Variants in ARHGAP26 observed in about 807,000 individuals in gnomAD.
ARHGAP26 encodes Rho GTPase activating protein 26.
In ARHGAP26, 38 loss-of-function variants were observed where a neutral mutation model predicts 104.8. The observed-to-expected ratio is 0.36, with a 90% confidence interval of 0.28 to 0.48. The LOEUF is 0.48. ARHGAP26 is among the 20% of genes least tolerant of loss of function. The pLI, the probability that ARHGAP26 is intolerant of heterozygous loss-of-function variation, is 0.99. For synonymous variants in ARHGAP26, 341 were observed against 340.0 expected (o/e 1.00, Z -0.03); for missense variants, 704 against 947.9 (o/e 0.74, Z 3.38).
intron 22 of ARHGAP26, 75 bp from the exon 23 acceptor site, chr5:143,222,283 A>ACC (rs1811307397): frequency 9.3e-6 from 8 of 861,572 alleles, no homozygotes; most frequent in Middle Eastern, 2.8e-4. Flanking sequence ...ACACACACAC[A>ACC]CCCCACACAC....
At chr5:143,123,621 G>T (rs150405728) in intron 18 of ARHGAP26, among the ~76,000 whole-genome samples, 1 of 152,216 alleles carries the variant, frequency 6.6e-6, no homozygotes, top group Admixed American at 6.5e-5. Flanking sequence ...GGAGGCTAAG[G>T]TGGGAGGATC....
At chr5:142,978,271 C>T (rs543146154) in intron 11 of ARHGAP26, among the ~76,000 whole-genome samples, 3 of 152,244 alleles carry the variant, frequency 2.0e-5, no homozygotes, top group African/African-American at 7.2e-5. Flanking sequence ...GCAGTGTTGG[C>T]CTAAATTCAT....
At chr5:143,047,130 TTCTTGGA>T (rs1784350622) in intron 14 of ARHGAP26, among the ~76,000 whole-genome samples, 1 of 152,204 alleles carries the variant, frequency 6.6e-6, no homozygotes, top group African/African-American at 2.4e-5. Context: ...CAGTCCCCTG[TTCTTGGA>T]TACATGGGCT....
chr5:142,915,726 A>G (rs1392004335), intron 10 of ARHGAP26: 1 of 152,158 alleles, frequency 6.6e-6, no homozygotes, highest in Non-Finnish European at 1.5e-5. Context: ...TCAGTTTTCT[A>G]TATAGATCCC....
At chr5:143,037,631 A>G (rs1179177796) in intron 13 of ARHGAP26, among the ~76,000 whole-genome samples, 1 of 152,238 alleles carries the variant, frequency 6.6e-6, no homozygotes, top group East Asian at 1.9e-4. Context: ...GGGAGCAGTG[A>G]TATTTCAAGA....
chr5:142,796,362 T>C (rs533728593), intron 1 of ARHGAP26, among the ~76,000 whole-genome samples: 1 of 152,370 alleles, frequency 6.6e-6, no homozygotes, highest in East Asian at 1.9e-4. Flanking sequence ...ACCGTAGTTC[T>C]CTTATCTTTA....
rs1183521854 is a variant in ARHGAP26 at position 143,224,271 on chromosome 5, G to A, written c.*1825G>A. ...GAGAGGGGAGGCAAAGCTGAAGAGA[G>A]TCAAGGTCACTGTCCCCGCTTCGGC... On this transcript the variant is annotated 3_prime_UTR_variant, in exon 23 of 23. Transcript: ENST00000645722. 1 of 232,090 alleles carries A rather than the reference G, an allele frequency of 4.3e-6. No homozygotes were observed. The highest frequency in any genetic ancestry group is 8.5e-6 in the Non-Finnish European group (1 of 117,124). 14.4% of individuals were successfully genotyped at this position (232,090 alleles called of 1,614,324 possible).
chr5:142,852,520 G>A (rs1751690891), intron 1 of ARHGAP26, among the ~76,000 whole-genome samples: 1 of 152,214 alleles, frequency 6.6e-6, no homozygotes, highest in African/African-American at 2.4e-5. Context: ...TTCCCTAAAT[G>A]ACTAATTATA....
rs7728815 is a variant in ARHGAP26 at position 143,048,996 on chromosome 5, G to A, written c.1286-5443G>A. Among the ~76,000 whole-genome samples, 803 of 151,368 alleles carry A rather than the reference G, an allele frequency of 5.3e-3. 3 individuals are homozygous for A. The highest frequency in any genetic ancestry group is 8.4e-3 in the Non-Finnish European group (570 of 67,930). On this transcript the variant is annotated intron_variant, in intron 14 of 22. Transcript: ENST00000645722. ...TTCCTTAAAATCTGTCATGCAAAGTGGAAACTCTTCTTTTTCCTCTAATAC... is the reference window on the plus strand; with the variant it reads ...TTCCTTAAAATCTGTCATGCAAAGTAGAAACTCTTCTTTTTCCTCTAATAC...
At position 142,960,357 on chromosome 5, in the gene ARHGAP26, A is replaced by T. The variant is rs540433269; in HGVS notation, c.1107+28232A>T. The stretch of plus-strand genomic sequence containing the variant: ...TTCACTTTCCATAGTTACCTATTAA[A>T]TTAGCTGCAGTTCACTGCAGTCCCA... On this transcript the variant is annotated intron_variant, in intron 11 of 22. Transcript: ENST00000645722. 1.4e-4 allele frequency among the ~76,000 whole-genome samples: 21 copies of T among 152,384 alleles called. 1 individual carries two copies. In the South Asian group the frequency reaches 4.3e-3, roughly 32 times the overall value.
At chr5:142,808,834 G>T (rs1763535520) in intron 1 of ARHGAP26, among the ~76,000 whole-genome samples, 1 of 152,116 alleles carries the variant, frequency 6.6e-6, no homozygotes. Flanking sequence ...AGCCGCTCTG[G>T]AAGTTTTTGC....
intron 12 of ARHGAP26, among the ~76,000 whole-genome samples, chr5:143,035,935 C>CA (rs10713064): frequency 0.07 from 5,418 of 77,780 alleles, 159 homozygotes; most frequent in African/African-American, 0.084. Flanking sequence ...GACCTTGTCT[C>CA]AAAAAAAAAA....
At chr5:142,837,459 A>G (rs924804009) in intron 1 of ARHGAP26, among the ~76,000 whole-genome samples, 4 of 152,058 alleles carry the variant, frequency 2.6e-5, no homozygotes, top group African/African-American at 9.7e-5. Context: ...CGTCATTCGA[A>G]CTTGGTATCT....
At chr5:143,065,262 C>G (rs1194365268) in intron 17 of ARHGAP26, among the ~76,000 whole-genome samples, 2 of 152,034 alleles carry the variant, frequency 1.3e-5, no homozygotes, top group Non-Finnish European at 2.9e-5. Flanking sequence ...CTCTTTTTGG[C>G]TGAGTGGTGG....
chr5:142,801,483 G>A (rs1407217963), intron 1 of ARHGAP26, among the ~76,000 whole-genome samples: 1 of 151,954 alleles, frequency 6.6e-6, no homozygotes, highest in Non-Finnish European at 1.5e-5. Flanking sequence ...GACACTGGAT[G>A]CCCCTTTTTG....
rs1001423682 is a variant in ARHGAP26, at chr5:143,184,688, G to A, written c.1989-22510G>A. Among the ~76,000 whole-genome samples, 3 of 152,094 alleles carry A rather than the reference G, an allele frequency of 2.0e-5. No individual in the cohort carries two copies. The East Asian group carries it at 5.8e-4, about 29-fold the overall frequency. ...TGGTTCAGAGAAGTCCCCTCTTAGA[G>A]CTTTCATTTCTTTTGGAGGGATGGT... On this transcript the variant is annotated intron_variant, in intron 20 of 22. Transcript: ENST00000645722.
intron 17 of ARHGAP26, among the ~76,000 whole-genome samples, chr5:143,086,155 T>A (rs17541504): frequency 0.026 from 3,948 of 152,308 alleles, 72 homozygotes; most frequent in Middle Eastern, 0.041. Context: ...AAGAAAAATG[T>A]TGGAAGAATG....
intron 10 of ARHGAP26, among the ~76,000 whole-genome samples, chr5:142,913,781 G>T (rs984458068): frequency 6.6e-6 from 1 of 152,104 alleles, no homozygotes; most frequent in Non-Finnish European, 1.5e-5. Context: ...GTGTGTGTGC[G>T]TGCCCAGGAA....
chr5:142,876,718 A>G (rs1448083481), intron 3 of ARHGAP26, among the ~76,000 whole-genome samples: 2 of 142,110 alleles, frequency 1.4e-5, no homozygotes, highest in African/African-American at 2.6e-5. Flanking sequence ...TCAAGGCTGC[A>G]GTGATCTGTG....
Sources: gnomAD v4.1 joint callset for allele counts (sites outside exome capture counted in the v4.1 genomes callset) on GRCh38, gnomAD v4.1.1 for gene constraint, MANE v1.5 for transcripts, NCBI Gene and HGNC (gene_info 2026-07-23, HGNC 2026-07-21) for gene names.